CSMD2: variants seen among roughly 807,000 people sequenced by gnomAD.
CSMD2 encodes the protein CUB and sushi domain-containing protein 2.
CSMD2 carries 130 observed loss-of-function variants against 398.5 expected under a neutral mutation model. The observed-to-expected ratio is 0.33, with a 90% CI of 0.28 to 0.38. The LOEUF (loss-of-function observed/expected upper bound fraction) is 0.38. Among genes scored for constraint, CSMD2 ranks in the 10% least tolerant of loss-of-function variants. The probability of loss-of-function intolerance (pLI) is 1.00; values close to 1 mark genes in which losing one functional copy is unlikely to be tolerated. For missense variants in CSMD2, 3,829 were observed against 4,764.9 expected, an observed-to-expected ratio of 0.80 and a Z score of 5.78; for synonymous variants, 1,828 against 1,908.5, an observed-to-expected ratio of 0.96 and a Z score of 1.10.
intron 55 of CSMD2, among the ~76,000 whole-genome samples, chr1:33,552,005 T>C (rs1343520317): frequency 6.6e-6 from 1 of 152,162 alleles, no homozygotes; most frequent in East Asian, 1.9e-4. Flanking sequence ...TCGGATCTTC[T>C]AGGCCCACCT....
At chr1:34,025,175 G>A (rs2148126760) in intron 3 of CSMD2, among the ~76,000 whole-genome samples, 1 of 152,312 alleles carries the variant, frequency 6.6e-6, no homozygotes, top group South Asian at 2.1e-4. Flanking sequence ...AGATGAGTCT[G>A]TCTACCCTGT....
At chr1:33,615,420 AGTGCTTTC>A (rs1180871005) in intron 39 of CSMD2, among the ~76,000 whole-genome samples, 10 of 152,232 alleles carry the variant, frequency 6.6e-5, no homozygotes. Context: ...GGTCCAGGCA[AGTGCTTTC>A]TGGGGAGAGG....
chr1:33,876,521 A>C (rs11808289), intron 5 of CSMD2, among the ~76,000 whole-genome samples: 2,264 of 152,328 alleles, frequency 0.015, 54 homozygotes, highest in African/African-American at 0.05. Flanking sequence ...GTATTTACTG[A>C]ACGCCAGGCA....
chr1:33,823,392 CT>C (rs10578010), intron 7 of CSMD2, among the ~76,000 whole-genome samples: 20,062 of 149,266 alleles, frequency 0.13, 1,476 homozygotes, highest in East Asian at 0.29. Context: ...TTCTCCCTTT[CT>C]TTTTTTTTTT....
chr1:33,676,017 A>G (rs1340654207), intron 25 of CSMD2, among the ~76,000 whole-genome samples: 1 of 152,244 alleles, frequency 6.6e-6, no homozygotes, highest in Non-Finnish European at 1.5e-5. Context: ...GAATGGATAA[A>G]AACTGGAAGC....
At chr1:33,803,904 C>A (rs923860585) in intron 10 of CSMD2, among the ~76,000 whole-genome samples, 1 of 152,206 alleles carries the variant, frequency 6.6e-6, no homozygotes, top group African/African-American at 2.4e-5. Context: ...TGAAGCCCAG[C>A]CCCTTTCATC....
chr1:33,846,926 C>T lies in CSMD2; in HGVS notation c.991G>A (p.Asp331Asn). 6.2e-7 allele frequency: 1 copy of T among 1,610,116 alleles called. No individual in the cohort carries two copies. Among genetic ancestry groups the T allele is most frequent in the Non-Finnish European group, 8.5e-7 (1 of 1,177,886 alleles). ...KNWLRLHFTS[D>N]GNHRQRGFSA... ...AATCCGCGCTGCCGGTGGTTGCCAT[C>T]CGATGTGAAGTGCAGTCGCAGCCAG... Residue 331 changes from aspartate to asparagine, a missense_variant, in exon 6 of 71, where the codon GAT becomes AAT. This residue lies in a region of CSMD2 where 2,001 missense variants were observed against 2,567.1 expected (regional missense o/e 0.78). Coordinates refer to ENST00000373381, the MANE Select transcript of CSMD2 (RefSeq NM_001281956.2).
In CSMD2 at chr1:33,578,003, G is replaced by T. The variant is rs538737234; in HGVS notation, c.7388-519C>A. ...TAATACCCACCTCACAGATTTTTGG[G>T]CAATTTAAGCTGTATATGTAGATTG... On this transcript the variant is annotated intron_variant, in intron 48 of 70. Coordinates refer to ENST00000373381, the MANE Select transcript of CSMD2 (RefSeq NM_001281956.2). 5.9e-5 allele frequency among the ~76,000 whole-genome samples: 9 copies of T among 152,076 alleles called. No homozygotes were observed. In the South Asian group the frequency reaches 1.9e-3, roughly 32 times the overall value.
At chr1:34,029,932 T>C (rs12049172) in intron 3 of CSMD2, among the ~76,000 whole-genome samples, 16,349 of 152,258 alleles carry the variant, frequency 0.11, 1,291 homozygotes, top group East Asian at 0.33. Context: ...AGCATTCTCA[T>C]GCCTGGACTG....
chr1:34,148,673 C>T (rs1006068940), intron 1 of CSMD2, among the ~76,000 whole-genome samples: 3 of 152,194 alleles, frequency 2.0e-5, no homozygotes, highest in African/African-American at 7.2e-5. Flanking sequence ...ACTCTGCAAG[C>T]ATGGACCTTT....
chr1:33,864,493 T>C (rs1245148865), intron 5 of CSMD2: 2 of 1,613,704 alleles, frequency 1.2e-6, no homozygotes, highest in East Asian at 2.2e-5. Context: ...TCATCCTTCC[T>C]ACTCTTCTGC....
intron 1 of CSMD2, among the ~76,000 whole-genome samples, chr1:34,126,121 G>C (rs1166178736): frequency 6.6e-6 from 1 of 152,200 alleles, no homozygotes. Context: ...TAGCTGGGTT[G>C]GAGACAAACC....
At chr1:33,733,590 C>T (rs1302675127) in intron 15 of CSMD2, among the ~76,000 whole-genome samples, 1 of 152,154 alleles carries the variant, frequency 6.6e-6, no homozygotes, top group Non-Finnish European at 1.5e-5. Context: ...CCCATAATCC[C>T]TGCGTGTCAA....
At chr1:33,724,118 T>G in intron 19 of CSMD2, 79 bp downstream of exon 19, 2 of 936,832 alleles carry the variant, frequency 2.1e-6, no homozygotes, top group Non-Finnish European at 3.5e-6. Flanking sequence ...GAGATCCCCA[T>G]TGAGGTCAAC....
At chr1:34,112,245 C>A (rs938369468) in intron 1 of CSMD2, among the ~76,000 whole-genome samples, 1 of 152,182 alleles carries the variant, frequency 6.6e-6, no homozygotes, top group Non-Finnish European at 1.5e-5. Flanking sequence ...ACACTGGGTT[C>A]AGAACCCAGC....
intron 3 of CSMD2, among the ~76,000 whole-genome samples, chr1:33,959,294 A>G (rs1645270412): frequency 6.6e-6 from 1 of 152,216 alleles, no homozygotes; most frequent in Non-Finnish European, 1.5e-5. Flanking sequence ...GAAACTCCGC[A>G]AAGGCAGGGA....
At chr1:33,654,838 C>T (rs1468283209) in intron 27 of CSMD2, among the ~76,000 whole-genome samples, 1 of 152,260 alleles carries the variant, frequency 6.6e-6, no homozygotes, top group East Asian at 1.9e-4. Context: ...GGGCTTCTTC[C>T]CTTAAGTTTG....
intron 3 of CSMD2, among the ~76,000 whole-genome samples, chr1:33,975,506 C>T (rs1336452244): frequency 6.6e-6 from 1 of 151,968 alleles, no homozygotes; most frequent in African/African-American, 2.4e-5. Flanking sequence ...CACACACACA[C>T]ACACACAAGT....
At chr1:33,930,230 C>A (rs182309067) in intron 4 of CSMD2, among the ~76,000 whole-genome samples, 1 of 152,212 alleles carries the variant, frequency 6.6e-6, no homozygotes, top group Non-Finnish European at 1.5e-5. Context: ...AAAATGAGGA[C>A]ACAATCAGCC....
Sources: gnomAD v4.1 joint callset for allele counts (sites outside exome capture counted in the v4.1 genomes callset) on GRCh38, gnomAD v4.1.1 for gene constraint, gnomAD v4.1.1 regional missense constraint, MANE v1.5 for transcripts, NCBI Gene and HGNC (gene_info 2026-07-23, HGNC 2026-07-21) for gene names.